Variants in SLC25A21 observed in about 807,000 individuals in gnomAD.
SLC25A21 encodes the protein solute carrier family 25 member 21.
SLC25A21 carries 47 observed loss-of-function variants against 43.8 expected under a neutral mutation model. The ratio of observed to expected loss-of-function variants is 1.07; its 90% CI spans 0.85 to 1.37. The LOEUF (loss-of-function observed/expected upper bound fraction) is 1.37, where lower values mean the gene tolerates loss of function less well. SLC25A21 is among the 40% of genes most tolerant of loss of function. SLC25A21 has a pLI of 0.00. For missense variants in SLC25A21, 352 were observed against 350.2 expected (o/e 1.00, Z -0.04); for synonymous variants, 131 against 121.3 (o/e 1.08, Z -0.52).
chr14:36,988,041 C>T (rs941160692), intron 1 of SLC25A21, among the ~76,000 whole-genome samples: 7 of 152,122 alleles, frequency 4.6e-5, no homozygotes, highest in Non-Finnish European at 8.8e-5. Flanking sequence ...TAAAGATGAC[C>T]AGAGGAGCAC....
intron 1 of SLC25A21, among the ~76,000 whole-genome samples, chr14:37,112,350 G>A (rs530388400): frequency 6.6e-6 from 1 of 152,232 alleles, no homozygotes; most frequent in East Asian, 1.9e-4. Context: ...GAAGGGAGAA[G>A]AGGCAATAAG....
At chr14:37,138,155 C>T (rs1371564926) in intron 1 of SLC25A21, among the ~76,000 whole-genome samples, 4 of 152,050 alleles carry the variant, frequency 2.6e-5, no homozygotes, top group African/African-American at 7.2e-5. Context: ...CCCCTAAACA[C>T]GCATTTATTC....
At chr14:36,820,252 A>T (rs1888581496) in intron 2 of SLC25A21, among the ~76,000 whole-genome samples, 1 of 152,134 alleles carries the variant, frequency 6.6e-6, no homozygotes, top group African/African-American at 2.4e-5. Flanking sequence ...ACACATTCAC[A>T]TCCATCATTC....
intron 1 of SLC25A21, among the ~76,000 whole-genome samples, chr14:37,045,615 C>T (rs1162784174): frequency 6.6e-6 from 1 of 152,176 alleles, no homozygotes; most frequent in Non-Finnish European, 1.5e-5. Context: ...GTAACAAAAA[C>T]AAGAACTCAT....
At chr14:36,681,942 A>G (rs1043243763) in intron 9 of SLC25A21, among the ~76,000 whole-genome samples, 3 of 152,188 alleles carry the variant, frequency 2.0e-5, no homozygotes, top group Admixed American at 2.0e-4. Context: ...TATTCTTACT[A>G]ATCATTCACA....
intron 2 of SLC25A21, among the ~76,000 whole-genome samples, chr14:36,845,183 C>A (rs1408343819): frequency 6.6e-6 from 1 of 152,170 alleles, no homozygotes; most frequent in Non-Finnish European, 1.5e-5. Context: ...ATATGTAAGG[C>A]AGGCTAACAA....
chr14:36,818,838 G>A (rs1022939013), intron 2 of SLC25A21, among the ~76,000 whole-genome samples: 1 of 152,164 alleles, frequency 6.6e-6, no homozygotes, highest in South Asian at 2.1e-4. Context: ...ACATCAGCAT[G>A]TTCCAAGCTG....
At chr14:36,716,111 TAAA>T (rs1884123307) in intron 6 of SLC25A21, among the ~76,000 whole-genome samples, 1 of 151,528 alleles carries the variant, frequency 6.6e-6, no homozygotes, top group African/African-American at 2.4e-5. Flanking sequence ...AATAAATAAA[TAAA>T]TAAATAAGCA....
intron 3 of SLC25A21, among the ~76,000 whole-genome samples, chr14:36,803,880 A>C (rs1428120411): frequency 6.6e-6 from 1 of 152,210 alleles, no homozygotes; most frequent in African/African-American, 2.4e-5. Flanking sequence ...AACTTCAGTT[A>C]GGCCAAGACT....
At chr14:36,865,966 TG>T (rs1890202695) in intron 2 of SLC25A21, among the ~76,000 whole-genome samples, 1 of 152,130 alleles carries the variant, frequency 6.6e-6, no homozygotes, top group Non-Finnish European at 1.5e-5. Context: ...TAAGTCCTGA[TG>T]GGGGGTGAGA....
intron 1 of SLC25A21, among the ~76,000 whole-genome samples, chr14:37,133,538 C>G (rs758716847): frequency 9.9e-5 from 15 of 152,012 alleles, no homozygotes; most frequent in Non-Finnish European, 1.9e-4. Flanking sequence ...CGACTAGTCC[C>G]CTTATGCTAA....
chr14:36,861,167 T>C (rs546176528), intron 2 of SLC25A21, among the ~76,000 whole-genome samples: 6 of 152,196 alleles, frequency 3.9e-5, no homozygotes, highest in Non-Finnish European at 7.3e-5. Flanking sequence ...TGAGAACTAA[T>C]TGATTTTCCA....
chr14:37,063,713 G>A (rs1215651107), intron 1 of SLC25A21, among the ~76,000 whole-genome samples: 1 of 152,106 alleles, frequency 6.6e-6, no homozygotes, highest in Non-Finnish European at 1.5e-5. Flanking sequence ...AGTCTGGAAA[G>A]CAGGCCTCCT....
chr14:36,829,190 A>G (rs2138476718), intron 2 of SLC25A21, among the ~76,000 whole-genome samples: 1 of 151,992 alleles, frequency 6.6e-6, no homozygotes, highest in East Asian at 1.9e-4. Context: ...GAGCCACCGC[A>G]CCTGGTCACT....
At chr14:36,791,510 G>A (rs1308882009) in intron 3 of SLC25A21, among the ~76,000 whole-genome samples, 2 of 152,130 alleles carry the variant, frequency 1.3e-5, no homozygotes, top group African/African-American at 4.8e-5. Flanking sequence ...TGGTTTAGTT[G>A]TGTTGACAAT....
chr14:37,135,684 C>T lies in SLC25A21; in HGVS notation c.70+36597G>A, dbSNP rs552945369. ...CATTATTGATCTAACAAGGACACTA[C>T]TTTTTCCCTAAACATTTTAACAATT... On this transcript the variant is annotated intron_variant, in intron 1 of 9. Coordinates refer to ENST00000331299, the MANE Select transcript of SLC25A21 (RefSeq NM_030631.4). Among the ~76,000 whole-genome samples, 15 of 152,252 alleles carry T rather than the reference C, an allele frequency of 9.9e-5. No homozygotes were observed. In the South Asian group the frequency reaches 3.1e-3, roughly 32 times the overall value.
chr14:36,881,085 T>C (rs971750828), intron 1 of SLC25A21, among the ~76,000 whole-genome samples: 1 of 152,326 alleles, frequency 6.6e-6, no homozygotes, highest in Admixed American at 6.5e-5. Context: ...AGTGTTGCTG[T>C]TGACAGTGTG....
intron 3 of SLC25A21, among the ~76,000 whole-genome samples, chr14:36,785,144 T>C (rs1705696681): frequency 6.6e-6 from 1 of 152,194 alleles, no homozygotes; most frequent in African/African-American, 2.4e-5. Context: ...GTCCTCCTAC[T>C]GGAATGGGTC....
Position 36,680,595 on chromosome 14 carries a change from T to G in SLC25A21, c.*63A>C. On this transcript the variant is annotated 3_prime_UTR_variant, in exon 10 of 10. Coordinates refer to ENST00000331299, the MANE Select transcript of SLC25A21 (RefSeq NM_030631.4). ...ACACCTGGCCGATCGATAGTCTCTCTTCTTCATGGTGCTGCATAGCAAATA... is the reference window on the plus strand; with the variant it reads ...ACACCTGGCCGATCGATAGTCTCTCGTCTTCATGGTGCTGCATAGCAAATA... 6.4e-7 allele frequency: 1 copy of G among 1,569,914 alleles called. No homozygotes were observed. Among genetic ancestry groups the G allele is most frequent in the South Asian group, 1.2e-5 (1 of 82,510 alleles).
Sources: allele counts gnomAD v4.1 joint callset (sites outside exome capture counted in the v4.1 genomes callset), GRCh38; gene constraint gnomAD v4.1.1; transcripts MANE v1.5; gene names NCBI Gene and HGNC (gene_info 2026-07-23, HGNC 2026-07-21).